Variants in PDZD2 observed in about 807,000 individuals in gnomAD.
PDZD2 encodes PDZ domain-containing protein 2.
Under a neutral mutation model 220.7 loss-of-function variants are expected in PDZD2, and 90 were observed. The observed-to-expected ratio is 0.41, with a 90% CI of 0.34 to 0.49. The LOEUF (loss-of-function observed/expected upper bound fraction) is 0.49. Ranked by LOEUF, PDZD2 falls within the 20% of genes least tolerant of loss-of-function variation. The pLI, the probability that PDZD2 is intolerant of heterozygous loss-of-function variation, is 0.28. For synonymous variants in PDZD2, 1,375 were observed against 1,450.5 expected (o/e 0.95, Z 1.18); for missense variants, 3,174 against 3,608.5 (o/e 0.88, Z 3.08).
chr5:32,012,876 T>G (rs1753440205), intron 6 of PDZD2, among the ~76,000 whole-genome samples: 1 of 151,876 alleles, frequency 6.6e-6, no homozygotes, highest in Admixed American at 6.6e-5. Context: ...TAAATAAATT[T>G]ATTATAATTC....
intron 1 of PDZD2, among the ~76,000 whole-genome samples, chr5:31,776,489 T>C (rs139073297): frequency 0.037 from 5,280 of 140,890 alleles, 104 homozygotes; most frequent in African/African-American, 0.071. Flanking sequence ...TTTATTTATT[T>C]ATTCATTTTT....
rs555833225 is a variant in PDZD2 at position 32,102,583 on chromosome 5, AAGG to A, written c.8353+1350_8353+1352del. 1.4e-4 allele frequency among the ~76,000 whole-genome samples: 22 copies of A among 152,054 alleles called. No homozygotes were observed. In the East Asian group the frequency reaches 3.9e-3, roughly 27 times the overall value. On this transcript the variant is annotated intron_variant, in intron 24 of 24. Transcript: ENST00000438447. ...ACTGTTCAAGTTGACAGAGCAGCAG[AAGG>A]AGGAGAACTAGGCTCAGGCAAGCAT...
At chr5:32,011,777 G>A (rs1203904317) in intron 6 of PDZD2, among the ~76,000 whole-genome samples, 2 of 152,160 alleles carry the variant, frequency 1.3e-5, no homozygotes, top group African/African-American at 2.4e-5. Context: ...TATATTTAAA[G>A]GGGGAAAAGT....
intron 1 of PDZD2, among the ~76,000 whole-genome samples, chr5:31,726,386 G>A (rs1749141018): frequency 6.6e-6 from 1 of 152,184 alleles, no homozygotes. Flanking sequence ...AAAATTAGCT[G>A]GGTGTGGTGA....
intron 2 of PDZD2, among the ~76,000 whole-genome samples, chr5:31,803,830 G>A (rs1754548257): frequency 6.6e-6 from 1 of 151,982 alleles, no homozygotes; most frequent in Non-Finnish European, 1.5e-5. Context: ...GAGCCCAGGG[G>A]TTCAAGACCA....
At chr5:31,985,291 C>T (rs1431399542) in intron 3 of PDZD2, among the ~76,000 whole-genome samples, 4 of 152,148 alleles carry the variant, frequency 2.6e-5, no homozygotes, top group Non-Finnish European at 5.9e-5. Context: ...GTATTGGCTC[C>T]CTTAATCATT....
chr5:31,968,066 T>C (rs66819843), intron 2 of PDZD2, among the ~76,000 whole-genome samples: 21,036 of 152,094 alleles, frequency 0.14, 1,590 homozygotes, highest in East Asian at 0.19. Flanking sequence ...GCAAAAGTAT[T>C]TGGAGGTGAG....
chr5:31,850,871 C>CA (rs1758020352), intron 2 of PDZD2, among the ~76,000 whole-genome samples: 1 of 152,016 alleles, frequency 6.6e-6, no homozygotes, highest in African/African-American at 2.4e-5. Context: ...CTCCTGACCT[C>CA]GTGTTCCACC....
intron 1 of PDZD2, among the ~76,000 whole-genome samples, chr5:31,697,923 A>C (rs1747444765): frequency 6.7e-6 from 1 of 149,602 alleles, no homozygotes; most frequent in African/African-American, 2.5e-5. Flanking sequence ...ATTTTTTTTT[A>C]GACAGAGTCT....
At chr5:32,038,222 C>T (rs1755721361) in intron 7 of PDZD2, among the ~76,000 whole-genome samples, 1 of 147,546 alleles carries the variant, frequency 6.8e-6, no homozygotes. Flanking sequence ...TATTTTATGG[C>T]TGTGTTGGTA....
At chr5:32,081,061 A>G (rs1356042257) in intron 19 of PDZD2, among the ~76,000 whole-genome samples, 1 of 151,312 alleles carries the variant, frequency 6.6e-6, no homozygotes, top group African/African-American at 2.4e-5. Context: ...CATCCTGCAC[A>G]TGTATCCCAG....
intron 1 of PDZD2, among the ~76,000 whole-genome samples, chr5:31,786,479 A>G (rs13355424): frequency 0.024 from 3,590 of 152,310 alleles, 123 homozygotes; most frequent in African/African-American, 0.078. Flanking sequence ...AGCTGGGATA[A>G]GGTTATAAGC....
intron 2 of PDZD2, among the ~76,000 whole-genome samples, chr5:31,809,843 A>T (rs1754984014): frequency 2.6e-5 from 4 of 152,214 alleles, no homozygotes; most frequent in African/African-American, 9.6e-5. Flanking sequence ...TTTCAGAGCC[A>T]GATCCAGAGA....
rs1166121811 is a variant in PDZD2 at position 32,091,121 on chromosome 5, G to C, written c.7673G>C (p.Ser2558Thr). The C allele has an allele frequency of 1.3e-6, 2 of 1,596,902 alleles. No homozygotes were observed. Among genetic ancestry groups the C allele is most frequent in the Admixed American group, 1.7e-5 (1 of 59,660 alleles). ...GCTGCTGAGACACCCAGTTCAGCCA[G>C]TGATACGGGTGAAGCTGCCCAGGAT... The part of the protein sequence containing the change: ...TSAAETPSSA[S>T]DTGEAAQDLP... Residue 2558 changes from serine (S) to threonine (T), a missense_variant, in exon 20 of 25, where the codon AGT becomes ACT. Around this residue, in one of 4 missense-constraint regions of PDZD2, gnomAD observed 631 missense variants for 789.9 expected, o/e 0.80. Coordinates refer to ENST00000438447, the MANE Select transcript of PDZD2 (RefSeq NM_178140.4).
chr5:31,679,077 A>G (rs1746555641), intron 1 of PDZD2, among the ~76,000 whole-genome samples: 1 of 152,202 alleles, frequency 6.6e-6, no homozygotes, highest in Admixed American at 6.5e-5. Context: ...TATGGGCAGG[A>G]TAGTGGCCTC....
chr5:31,661,488 T>G (rs1745761245), intron 1 of PDZD2: 2 of 152,144 alleles, frequency 1.3e-5, no homozygotes, highest in Non-Finnish European at 2.9e-5. Context: ...GAGCCAAGAA[T>G]CTGAAACCCA....
chr5:31,959,678 C>T (rs373356583), intron 2 of PDZD2, among the ~76,000 whole-genome samples: 8 of 152,266 alleles, frequency 5.3e-5, no homozygotes, highest in African/African-American at 1.7e-4. Flanking sequence ...GTCAATAAAG[C>T]TTGGAAAAAT....
At chr5:32,082,063 C>A (rs558488738) in intron 19 of PDZD2, among the ~76,000 whole-genome samples, 1 of 148,766 alleles carries the variant, frequency 6.7e-6, no homozygotes, top group Non-Finnish European at 1.5e-5. Flanking sequence ...CCTCTGTCAC[C>A]CAGGCTGGAG....
intron 6 of PDZD2, among the ~76,000 whole-genome samples, chr5:32,020,298 G>A (rs1182785885): frequency 2.6e-5 from 4 of 151,918 alleles, no homozygotes; most frequent in African/African-American, 9.7e-5. Context: ...CCACCACCAT[G>A]CCCAGCCAAA....
Sources: gnomAD v4.1 joint callset for allele counts (sites outside exome capture counted in the v4.1 genomes callset) on GRCh38, gnomAD v4.1.1 for gene constraint, gnomAD v4.1.1 regional missense constraint, MANE v1.5 for transcripts, NCBI Gene and HGNC (gene_info 2026-07-23, HGNC 2026-07-21) for gene names.